The following CTDSPL variants were observed in gnomAD, a reference collection of about 807,000 sequenced individuals.
CTDSPL encodes the protein CTD small phosphatase-like protein.
CTDSPL carries 8 observed loss-of-function variants against 30.5 expected under a neutral mutation model. The observed-to-expected ratio is 0.26, with a 90% CI of 0.15 to 0.47. CTDSPL has a LOEUF of 0.47. Among genes scored for constraint, CTDSPL ranks in the 20% least tolerant of loss-of-function variants. The probability of loss-of-function intolerance (pLI) is 0.99; values close to 1 mark genes in which losing one functional copy is unlikely to be tolerated. For missense variants in CTDSPL, 248 were observed against 366.1 expected (o/e 0.68, Z 2.63); for synonymous variants, 110 against 137.9 (o/e 0.80, Z 1.42).
chr3:37,930,427 A>T (rs113764133), intron 1 of CTDSPL, among the ~76,000 whole-genome samples: 1 of 151,984 alleles, frequency 6.6e-6, no homozygotes, highest in African/African-American at 2.4e-5. Context: ...ATGCCCAGCT[A>T]ATTTTTTCTT....
chr3:37,905,543 T>A (rs770807357), intron 1 of CTDSPL, among the ~76,000 whole-genome samples: 1 of 152,218 alleles, frequency 6.6e-6, no homozygotes, highest in Non-Finnish European at 1.5e-5. Flanking sequence ...GAATACTCTG[T>A]CAGTTCACAA....
intron 1 of CTDSPL, among the ~76,000 whole-genome samples, chr3:37,880,698 C>G (rs1393888632): frequency 6.6e-6 from 1 of 152,192 alleles, no homozygotes; most frequent in Non-Finnish European, 1.5e-5. Flanking sequence ...AGGCCTCACT[C>G]TTACCACTTA....
intron 1 of CTDSPL, among the ~76,000 whole-genome samples, chr3:37,921,392 T>C (rs900608790): frequency 6.6e-6 from 1 of 152,208 alleles, no homozygotes; most frequent in Admixed American, 6.5e-5. Context: ...AAGGGACAAG[T>C]GTCTGCTCTG....
At chr3:37,937,906 C>G (rs1698933833) in intron 1 of CTDSPL, among the ~76,000 whole-genome samples, 1 of 150,458 alleles carries the variant, frequency 6.6e-6, no homozygotes, top group South Asian at 2.1e-4. Flanking sequence ...AGTCAGTTTT[C>G]TTCTGAAAAT....
rs958220258 is a variant in CTDSPL, at chr3:37,930,467, T to TTAC, written c.80-16575_80-16573dup. ...TTTTTCTTTATTATTATGATTATTATTACTACTACTACTACTATTATTATT... is the reference window on the plus strand; with the variant it reads ...TTTTTCTTTATTATTATGATTATTATTACTACTACTACTACTACTATTATTATT... On this transcript the variant is annotated intron_variant, in intron 1 of 7. Coordinates refer to ENST00000273179, the MANE Select transcript of CTDSPL (RefSeq NM_001008392.2). 8.6e-5 allele frequency among the ~76,000 whole-genome samples: 13 copies of TTAC among 152,040 alleles called. 1 individual carries two copies. The South Asian group carries it at 1.5e-3, about 17-fold the overall frequency.
At chr3:37,928,685 CTT>C (rs1698814870) in intron 1 of CTDSPL, among the ~76,000 whole-genome samples, 1 of 152,102 alleles carries the variant, frequency 6.6e-6, no homozygotes, top group Admixed American at 6.6e-5. Flanking sequence ...TTTGGATACT[CTT>C]TTATTGGATA....
rs536350286 is a variant in CTDSPL, at chr3:37,871,186, C to A, written c.79+8908C>A. ...CACCATAGATTTGCCTTTTCTAGAA[C>A]GTCATATACTTGGAATCATATAGTA... On this transcript the variant is annotated intron_variant, in intron 1 of 7. Coordinates refer to ENST00000273179, the MANE Select transcript of CTDSPL (RefSeq NM_001008392.2). Among the ~76,000 whole-genome samples, 4 of 152,278 alleles carry A rather than the reference C, an allele frequency of 2.6e-5. No individual in the cohort carries two copies. In the East Asian group the frequency reaches 5.8e-4, roughly 22 times the overall value.
chr3:37,942,662 A>G (rs1242814045), intron 1 of CTDSPL, among the ~76,000 whole-genome samples: 2 of 150,238 alleles, frequency 1.3e-5, no homozygotes, highest in Admixed American at 6.7e-5. Context: ...AACAAAAATT[A>G]TGGAGTGCTT....
At chr3:37,929,394 T>A (rs1168867234) in intron 1 of CTDSPL, among the ~76,000 whole-genome samples, 1 of 152,212 alleles carries the variant, frequency 6.6e-6, no homozygotes, top group Admixed American at 6.5e-5. Flanking sequence ...ATTTTTACAA[T>A]ATTAGGTCTT....
At chr3:37,928,773 A>G (rs898570119) in intron 1 of CTDSPL, among the ~76,000 whole-genome samples, 1 of 152,064 alleles carries the variant, frequency 6.6e-6, no homozygotes, top group Admixed American at 6.6e-5. Flanking sequence ...CATAGAAGCT[A>G]TTTAGTTTGA....
chr3:37,894,733 C>T (rs1044675505), intron 1 of CTDSPL, among the ~76,000 whole-genome samples: 1 of 152,152 alleles, frequency 6.6e-6, no homozygotes, highest in Non-Finnish European at 1.5e-5. Context: ...GTCTGAGGCT[C>T]TGTTCATTTA....
At chr3:37,965,439 TGATGAAAA>T (rs1273845895) in intron 4 of CTDSPL, among the ~76,000 whole-genome samples, 1 of 152,020 alleles carries the variant, frequency 6.6e-6, no homozygotes, top group Non-Finnish European at 1.5e-5. Flanking sequence ...AAGAGGCAAA[TGATGAAAA>T]GTTTGGAAAT....
rs977419535 is a variant in CTDSPL at position 37,937,567 on chromosome 3, T to C, written c.80-9490T>C. ...GTCTTGGACTTTTCAACCTCCAGAA[T>C]TGTGAGCCAAATAAACTTCTTTTCT... is the stretch of plus-strand genomic sequence containing the variant. On this transcript the variant is annotated intron_variant, in intron 1 of 7. Coordinates refer to ENST00000273179, the MANE Select transcript of CTDSPL (RefSeq NM_001008392.2). 2.7e-5 allele frequency among the ~76,000 whole-genome samples: 4 copies of C among 150,468 alleles called. 1 individual carries two copies. The highest frequency in any genetic ancestry group is 6.0e-5 in the Non-Finnish European group (4 of 67,118).
chr3:37,935,386 C>G lies in CTDSPL; in HGVS notation c.80-11671C>G, dbSNP rs1190917212. 6.6e-5 allele frequency among the ~76,000 whole-genome samples: 10 copies of G among 151,814 alleles called. No homozygotes were observed. In the South Asian group the frequency reaches 8.3e-4, roughly 13 times the overall value. ...TATTTGATTATTGTTAAATTTTAAC[C>G]TTTACTTCCTCTTAAGTGCATTATC... On this transcript the variant is annotated intron_variant, in intron 1 of 7. Coordinates refer to ENST00000273179, the MANE Select transcript of CTDSPL (RefSeq NM_001008392.2).
chr3:37,961,683 A>G (rs1699246686), intron 3 of CTDSPL, among the ~76,000 whole-genome samples: 2 of 152,254 alleles, frequency 1.3e-5, no homozygotes, highest in African/African-American at 4.8e-5. Flanking sequence ...AAAGCAGTCT[A>G]GAGTTCCTCT....
intron 1 of CTDSPL, among the ~76,000 whole-genome samples, chr3:37,898,317 G>T (rs534975106): frequency 6.6e-6 from 1 of 152,128 alleles, no homozygotes; most frequent in Non-Finnish European, 1.5e-5. Flanking sequence ...CTGCATCAGA[G>T]ACTTTCTTCC....
At chr3:37,925,396 C>T (rs1559635211) in intron 1 of CTDSPL, among the ~76,000 whole-genome samples, 1 of 152,178 alleles carries the variant, frequency 6.6e-6, no homozygotes, top group African/African-American at 2.4e-5. Context: ...CTCCTCTACC[C>T]GGACTCATTG....
intron 7 of CTDSPL, among the ~76,000 whole-genome samples, chr3:37,979,360 T>C (rs1490906314): frequency 6.6e-6 from 1 of 151,682 alleles, no homozygotes; most frequent in East Asian, 1.9e-4. Context: ...CCTAGCACTT[T>C]GGGAGGCCGA....
At chr3:37,903,788 C>G (rs1291329766) in intron 1 of CTDSPL, among the ~76,000 whole-genome samples, 1 of 152,164 alleles carries the variant, frequency 6.6e-6, no homozygotes, top group African/African-American at 2.4e-5. Flanking sequence ...GTCCACCTTG[C>G]ATTTCTACTC....
Sources: gnomAD v4.1 joint callset for allele counts (sites outside exome capture counted in the v4.1 genomes callset) on GRCh38, gnomAD v4.1.1 for gene constraint, MANE v1.5 for transcripts, NCBI Gene and HGNC (gene_info 2026-07-23, HGNC 2026-07-21) for gene names.